PDLIM3: variants seen among roughly 807,000 people sequenced by gnomAD.
PDLIM3 encodes PDZ and LIM domain 3.
PDLIM3 carries 36 observed loss-of-function variants against 37.3 expected under a neutral mutation model. The observed-to-expected ratio is 0.97, with a 90% CI of 0.74 to 1.28. The LOEUF (loss-of-function observed/expected upper bound fraction) is 1.28. Ranked by LOEUF, PDLIM3 falls within the 50% of genes most tolerant of loss-of-function variation. The probability of loss-of-function intolerance (pLI) is 0.00; values close to 1 mark genes in which losing one functional copy is unlikely to be tolerated. For synonymous variants in PDLIM3, 174 were observed against 182.4 expected (o/e 0.95, Z 0.37); for missense variants, 454 against 485.0 (o/e 0.94, Z 0.60).
intron 3 of PDLIM3, chr4:185,515,193 C>T (rs1306074001): frequency 1.0e-5 from 2 of 190,800 alleles, no homozygotes; most frequent in African/African-American, 4.6e-5. Flanking sequence ...TTAAGAAATT[C>T]TAATGACTCA....
At chr4:185,519,344 G>T (rs2095719328) in intron 3 of PDLIM3, among the ~76,000 whole-genome samples, 1 of 152,162 alleles carries the variant, frequency 6.6e-6, no homozygotes, top group Admixed American at 6.5e-5. Context: ...GGAGTGCAGT[G>T]GTGCGATCTT....
At chr4:185,511,414 T>G (rs560577768) in intron 4 of PDLIM3, among the ~76,000 whole-genome samples, 15 of 151,548 alleles carry the variant, frequency 9.9e-5, no homozygotes, top group Non-Finnish European at 1.6e-4. Context: ...CCATCTGGAG[T>G]GCAGTGGTGC....
intron 3 of PDLIM3, among the ~76,000 whole-genome samples, chr4:185,519,807 A>C (rs930474930): frequency 3.9e-5 from 6 of 152,200 alleles, no homozygotes; most frequent in Admixed American, 1.3e-4. Flanking sequence ...CACATAACTT[A>C]CAATAAAAGT....
intron 1 of PDLIM3, among the ~76,000 whole-genome samples, chr4:185,534,747 C>A (rs2095750381): frequency 6.6e-6 from 1 of 152,222 alleles, no homozygotes; most frequent in African/African-American, 2.4e-5. Context: ...GGAAAACGTG[C>A]TCAAAATGCC....
chr4:185,503,669 C>T lies in PDLIM3; in HGVS notation c.905+806G>A, dbSNP rs138329417. On this transcript the variant is annotated intron_variant, in intron 7 of 7. Coordinates refer to ENST00000284767, the MANE Select transcript of PDLIM3 (RefSeq NM_014476.6). ...GGCTATTTAAACATAAGGTCCCTGCCGGGCACGGTGGCTCACACTTGTAAT... is the reference window on the plus strand; with the variant it reads ...GGCTATTTAAACATAAGGTCCCTGCTGGGCACGGTGGCTCACACTTGTAAT... Among the ~76,000 whole-genome samples the T allele has an allele frequency of 8.8e-3, 1,334 of 152,296 alleles. 17 individuals are homozygous for T. The highest frequency in any genetic ancestry group is 0.048 in the Middle Eastern group (14 of 294).
chr4:185,504,062 C>T lies in PDLIM3; in HGVS notation c.905+413G>A, dbSNP rs1402921417. Among the ~76,000 whole-genome samples the T allele has an allele frequency of 1.4e-5, 2 of 145,842 alleles. No homozygotes were observed. Among genetic ancestry groups the T allele is most frequent in the Admixed American group, 1.4e-4 (2 of 14,524 alleles). On this transcript the variant is annotated intron_variant, in intron 7 of 7. Transcript: ENST00000284767. The surrounding 1 kb of genome is among the most constrained non-coding windows in gnomAD (Gnocchi z 4.7). Reference sequence around the variant, plus strand: ...ATGTATTTTAAGTAACATCCTGTTGCCTGTATTTGTTTCCCTGTGTTTATA... The same window carrying T: ...ATGTATTTTAAGTAACATCCTGTTGTCTGTATTTGTTTCCCTGTGTTTATA...
Position 185,514,026 on chromosome 4 carries a change from A to G in PDLIM3, c.398+244T>C, listed in dbSNP as rs1377886097. The G allele has an allele frequency of 7.2e-7, 1 of 1,381,788 alleles. No individual in the cohort carries two copies. The highest frequency in any genetic ancestry group is 2.7e-5 in the Admixed American group (1 of 36,498). The allele number at this position is 1,381,788 out of a possible 1,614,324, so 85.6% of individuals were successfully genotyped here. ...CCCCAGAGCCTCAGGGGTGTTCGCT[A>G]TAAATACACGTGGTGATTGCATACA... On this transcript the variant is annotated intron_variant, in intron 4 of 7. Coordinates refer to ENST00000284767, the MANE Select transcript of PDLIM3 (RefSeq NM_014476.6). The surrounding 1 kb of genome is among the most constrained non-coding windows in gnomAD (Gnocchi z 4.0).
chr4:185,511,667 T>C (rs955434709), intron 4 of PDLIM3, among the ~76,000 whole-genome samples: 2 of 152,220 alleles, frequency 1.3e-5, no homozygotes, highest in Non-Finnish European at 2.9e-5. Context: ...AGCACTAGCA[T>C]GTCCAACTTA....
At chr4:185,515,200 C>T in intron 3 of PDLIM3, 1 of 184,144 alleles carries the variant, frequency 5.4e-6, no homozygotes, top group Admixed American at 6.1e-5. Flanking sequence ...ATTCTAATGA[C>T]TCATTTGAAT....
In PDLIM3 at chr4:185,523,439, T is replaced by C; in HGVS notation, c.253A>G (p.Thr85Ala). 8 of 1,598,118 alleles carry C rather than the reference T, an allele frequency of 5.0e-6. No homozygotes were observed. The highest frequency in any genetic ancestry group is 6.9e-6 in the Non-Finnish European group (8 of 1,165,964). ...QLCLKIDRGE[T>A]HLWSPQVSED... Reference sequence around the variant, plus strand: ...GATACTTGTGGAGACCATAAGTGAGTTTCTCCCCTGGAAATAAAATAAAAT... The same window carrying C: ...GATACTTGTGGAGACCATAAGTGAGCTTCTCCCCTGGAAATAAAATAAAAT... The change falls in exon 3 of 8, where the codon ACT (threonine) becomes GCT (alanine). Residue 85 changes from threonine (T) to alanine (A), a missense_variant. Thr to Ala is a moderately conservative substitution (Grantham distance 58). Coordinates refer to ENST00000284767, the MANE Select transcript of PDLIM3 (RefSeq NM_014476.6).
chr4:185,510,571 AT>A (rs1408502868), intron 4 of PDLIM3, among the ~76,000 whole-genome samples: 1 of 152,004 alleles, frequency 6.6e-6, no homozygotes, highest in South Asian at 2.1e-4. Flanking sequence ...CTTTTTCTTA[AT>A]TTTTTTGATA....
intron 2 of PDLIM3, among the ~76,000 whole-genome samples, chr4:185,524,317 T>C (rs929679700): frequency 6.6e-6 from 1 of 152,220 alleles, no homozygotes; most frequent in Admixed American, 6.5e-5. Flanking sequence ...GTGGATTGAT[T>C]GATCCTTCTG....
intron 5 of PDLIM3, among the ~76,000 whole-genome samples, chr4:185,507,608 A>G (rs1162588258): frequency 6.6e-6 from 1 of 152,208 alleles, no homozygotes; most frequent in African/African-American, 2.4e-5. Context: ...TGATTCTGTA[A>G]TAGTGAAAGA....
chr4:185,529,563 G>A (rs60804260), intron 1 of PDLIM3, among the ~76,000 whole-genome samples: 3,986 of 152,154 alleles, frequency 0.026, 179 homozygotes, highest in African/African-American at 0.092. Context: ...TGCCTCCTTG[G>A]CATCCACAGC....
rs1489060519 is a variant in PDLIM3, at chr4:185,525,185, T to C, written c.94-14A>G. ...TCCTGGTGTAATCTGGAAGAAATCA[T>C]GGCACTATTTAAAAACCAACATCCC... On this transcript the variant is annotated splice_polypyrimidine_tract_variant and intron_variant, in intron 1 of 7. Coordinates refer to ENST00000284767, the MANE Select transcript of PDLIM3 (RefSeq NM_014476.6). 28 of 1,613,838 alleles carry C rather than the reference T, an allele frequency of 1.7e-5. No homozygotes were observed. Among genetic ancestry groups the C allele is most frequent in the Non-Finnish European group, 2.3e-5 (27 of 1,179,890 alleles).
intron 5 of PDLIM3, chr4:185,507,231 G>A (rs2095699140): frequency 6.5e-6 from 1 of 152,814 alleles, no homozygotes; most frequent in African/African-American, 2.4e-5. Context: ...TTGAAAGCCT[G>A]TAATGTAGAA....
chr4:185,524,522 G>T (rs567291058), intron 2 of PDLIM3, among the ~76,000 whole-genome samples: 2 of 152,356 alleles, frequency 1.3e-5, no homozygotes, highest in Admixed American at 1.3e-4. Context: ...ACGTGCATAT[G>T]CACTCTCACA....
At chr4:185,518,171 G>T (rs1193167157) in intron 3 of PDLIM3, among the ~76,000 whole-genome samples, 1 of 151,996 alleles carries the variant, frequency 6.6e-6, no homozygotes, top group Non-Finnish European at 1.5e-5. Context: ...TTATATTAAG[G>T]AACAACATTT....
intron 1 of PDLIM3, among the ~76,000 whole-genome samples, chr4:185,531,015 C>A (rs189415473): frequency 6.8e-6 from 1 of 147,056 alleles, no homozygotes; most frequent in African/African-American, 2.5e-5. Context: ...CACACACACA[C>A]GTATATATAT....
Sources: allele counts gnomAD v4.1 joint callset (sites outside exome capture counted in the v4.1 genomes callset), GRCh38; gene constraint gnomAD v4.1.1; non-coding constraint Gnocchi (gnomAD v3.1); transcripts MANE v1.5; gene names NCBI Gene and HGNC (gene_info 2026-07-23, HGNC 2026-07-21).